The following ANK2 variants were observed in gnomAD, a reference collection of about 807,000 sequenced individuals.
The protein encoded by ANK2 is ankyrin-2.
ANK2 carries 83 observed loss-of-function variants against 360.5 expected under a neutral mutation model. The ratio of observed to expected loss-of-function variants is 0.23; its 90% CI spans 0.19 to 0.28. The LOEUF (loss-of-function observed/expected upper bound fraction) is 0.28. Ranked by LOEUF, ANK2 falls within the 10% of genes least tolerant of loss-of-function variation. The pLI is 1.00. For missense variants in ANK2, 4,201 were observed against 4,795.7 expected (o/e 0.88, Z 3.66); for synonymous variants, 1,740 against 1,759.5 (o/e 0.99, Z 0.28).
intron 1 of ANK2, among the ~76,000 whole-genome samples, chr4:113,078,752 C>T (rs560780047): frequency 2.0e-5 from 3 of 152,252 alleles, no homozygotes; most frequent in Admixed American, 1.3e-4. Flanking sequence ...CACTTTATAA[C>T]GTTTACCTGT....
chr4:113,113,740 G>A (rs2094509609), intron 1 of ANK2, among the ~76,000 whole-genome samples: 1 of 152,178 alleles, frequency 6.6e-6, no homozygotes, highest in Non-Finnish European at 1.5e-5. Flanking sequence ...TGAGCTCCTG[G>A]AATTGGAACC....
At chr4:113,240,652 A>G in intron 8 of ANK2, 69 bp downstream of exon 8, 1 of 1,350,222 alleles carries the variant, frequency 7.4e-7, no homozygotes. Context: ...AAAAAGGAAC[A>G]CCAATGGCTT....
upstream of ANK2, among the ~76,000 whole-genome samples, chr4:113,046,010 G>T (rs2064255287): frequency 6.6e-6 from 1 of 152,104 alleles, no homozygotes. Flanking sequence ...TATTAATCCT[G>T]CCCTCAAGGA....
upstream of ANK2, among the ~76,000 whole-genome samples, chr4:113,047,139 A>G (rs1345504410): frequency 6.6e-6 from 1 of 152,094 alleles, no homozygotes; most frequent in Non-Finnish European, 1.5e-5. Context: ...AGAAGTTCCC[A>G]TCTCGGGACC....
chr4:113,369,481 T>C (rs2096653382), intron 42 of ANK2, 33 bp from the exon 43 acceptor site: 2 of 1,609,514 alleles, frequency 1.2e-6, no homozygotes, highest in Non-Finnish European at 1.7e-6. Context: ...AATGCAAATG[T>C]CCCTGAAGTC....
At chr4:113,249,567 T>C (rs182036457) in intron 9 of ANK2, among the ~76,000 whole-genome samples, 197 bp from the exon 10 acceptor site, 2 of 152,230 alleles carry the variant, frequency 1.3e-5, no homozygotes, top group African/African-American at 4.8e-5. Flanking sequence ...TTCTCTTTCT[T>C]GTTCTCTGTG....
chr4:113,055,818 G>A (rs1341759671), intron 1 of ANK2, among the ~76,000 whole-genome samples: 1 of 152,086 alleles, frequency 6.6e-6, no homozygotes, highest in African/African-American at 2.4e-5. Context: ...TTCTCCTGTG[G>A]AAACCAGGTG....
chr4:112,757,711 G>C, the ANK2 span, among the ~76,000 whole-genome samples: 1 of 152,122 alleles, frequency 6.6e-6, no homozygotes, highest in Non-Finnish European at 1.5e-5. Context: ...TTTGACTCAT[G>C]AATATCTTAT....
the ANK2 span, among the ~76,000 whole-genome samples, chr4:112,727,696 C>T: frequency 1.3e-5 from 2 of 152,052 alleles, no homozygotes; most frequent in Non-Finnish European, 2.9e-5. Context: ...ATCGGCTGGG[C>T]GCCTGTAATC....
At chr4:113,191,150 G>A (rs1387875806) in intron 2 of ANK2, among the ~76,000 whole-genome samples, 1 of 152,122 alleles carries the variant, frequency 6.6e-6, no homozygotes, top group Non-Finnish European at 1.5e-5. Flanking sequence ...GACCATCCTG[G>A]CCAACAGGGT....
intron 4 of ANK2, among the ~76,000 whole-genome samples, chr4:113,206,774 A>G (rs998693283): frequency 6.6e-6 from 1 of 152,206 alleles, no homozygotes; most frequent in African/African-American, 2.4e-5. Flanking sequence ...CTGTAATCCC[A>G]GCACTTTGGG....
chr4:112,869,634 G>A (rs1292935797), intron 1 of ANK2, among the ~76,000 whole-genome samples: 1 of 152,116 alleles, frequency 6.6e-6, no homozygotes, highest in Admixed American at 6.5e-5. Context: ...TATTAACAAA[G>A]CCCAATGTAT....
intron 1 of ANK2, among the ~76,000 whole-genome samples, chr4:113,152,918 A>G (rs1305100216): frequency 6.6e-6 from 1 of 152,104 alleles, no homozygotes; most frequent in East Asian, 1.9e-4. Flanking sequence ...AATAGTAAAA[A>G]TCTTACAATG....
chr4:113,002,736 A>G (rs1036546786), intron 2 of ANK2, among the ~76,000 whole-genome samples: 5 of 152,216 alleles, frequency 3.3e-5, no homozygotes, highest in Non-Finnish European at 5.9e-5. Context: ...TTCAATACCT[A>G]TGGAGATAAA....
intron 9 of ANK2, among the ~76,000 whole-genome samples, chr4:113,248,581 T>G (rs555084080): frequency 2.0e-5 from 3 of 152,014 alleles, no homozygotes; most frequent in African/African-American, 7.2e-5. Context: ...AGGAGAAGGG[T>G]AGAGCATGGG....
intron 21 of ANK2, chr4:113,293,000 T>C (rs1480901443): frequency 2.0e-5 from 7 of 357,496 alleles, no homozygotes; most frequent in Non-Finnish European, 3.8e-5. Flanking sequence ...CACAGTGAGC[T>C]TCTGCACAGC....
chr4:113,377,827 C>T (rs941811186), intron 45 of ANK2, among the ~76,000 whole-genome samples: 3 of 152,076 alleles, frequency 2.0e-5, no homozygotes, highest in Admixed American at 2.0e-4. Context: ...TTGGGTGAAG[C>T]AAGGAGGAAA....
Position 113,278,552 on chromosome 4 carries a change from T to C in ANK2, c.1875T>C (p.Thr625=). 6 of 1,613,860 alleles carry C rather than the reference T, an allele frequency of 3.7e-6. No individual in the cohort carries two copies. The highest frequency in any genetic ancestry group is 1.1e-5 in the South Asian group (1 of 91,082). The change falls in exon 17 of 46, where the codon ACT becomes ACC. Residue 625 remains threonine, a synonymous_variant. Transcript: ENST00000357077. The stretch of plus-strand genomic sequence containing the variant: ...AGAAGGGTGCTTCCCCTCATGCCAC[T>C]GCCAAGGTGAGGACCACAGAAAAGG... ...LLEKGASPHA[T]AKNGYTPLHI... is the part of the protein sequence containing the mutation.
At chr4:113,287,536 A>T (rs1265169685) in intron 18 of ANK2, 69 bp from the exon 19 acceptor site, 1 of 1,175,696 alleles carries the variant, frequency 8.5e-7, no homozygotes, top group East Asian at 2.5e-5. Context: ...ATATTTTTTC[A>T]TAATATTATA....
Sources: gnomAD v4.1 joint callset for allele counts (sites outside exome capture counted in the v4.1 genomes callset) on GRCh38, gnomAD v4.1.1 for gene constraint, MANE v1.5 for transcripts, NCBI Gene and HGNC (gene_info 2026-07-23, HGNC 2026-07-21) for gene names.